Variants in ILRUN observed in about 807,000 individuals in gnomAD.
ILRUN encodes protein ILRUN.
Under a neutral mutation model 33.8 loss-of-function variants are expected in ILRUN, and 3 were observed. That is an observed-to-expected ratio of 0.09 (90% CI 0.04 to 0.23). ILRUN has a LOEUF of 0.23. ILRUN is among the 10% of genes least tolerant of loss of function. The pLI is 1.00. For missense variants in ILRUN, 210 were observed against 375.1 expected (o/e 0.56, Z 3.64); for synonymous variants, 124 against 138.9 (o/e 0.89, Z 0.75).
chr6:34,683,518 A>ATATATATACACATATATGTG (rs1562033425), intron 1 of ILRUN, among the ~76,000 whole-genome samples: 6 of 99,632 alleles, frequency 6.0e-5, no homozygotes, highest in African/African-American at 3.1e-4. Flanking sequence ...ATATATACAT[A>ATATATATACACATATATGTG]TATATATATA....
chr6:34,683,125 TATA>T (rs1291174668), intron 1 of ILRUN, among the ~76,000 whole-genome samples: 1 of 148,996 alleles, frequency 6.7e-6, no homozygotes, highest in Non-Finnish European at 1.5e-5. Flanking sequence ...CAAAAAAATA[TATA>T]TATACACACA....
At chr6:34,596,151 T>C (rs528297124) in intron 4 of ILRUN, among the ~76,000 whole-genome samples, 3 of 152,346 alleles carry the variant, frequency 2.0e-5, no homozygotes, top group East Asian at 3.9e-4. Flanking sequence ...AGCAGGGCAA[T>C]GGGCACTCTC....
At chr6:34,641,139 C>T (rs1456350521) in intron 3 of ILRUN, among the ~76,000 whole-genome samples, 1 of 150,820 alleles carries the variant, frequency 6.6e-6, no homozygotes. Context: ...CAGAAACCTC[C>T]AAAAAGCAAT....
At chr6:34,668,093 T>G (rs1340548362) in intron 1 of ILRUN, among the ~76,000 whole-genome samples, 1 of 152,158 alleles carries the variant, frequency 6.6e-6, no homozygotes, top group Non-Finnish European at 1.5e-5. Flanking sequence ...AATCTCACAA[T>G]CCTTGCAAGT....
At chr6:34,599,978 G>C (rs899400206) in intron 4 of ILRUN, among the ~76,000 whole-genome samples, 2 of 152,060 alleles carry the variant, frequency 1.3e-5, no homozygotes, top group Non-Finnish European at 2.9e-5. Context: ...ATATAGATCC[G>C]GACATGGACC....
intron 3 of ILRUN, among the ~76,000 whole-genome samples, chr6:34,609,592 G>C (rs1403250607): frequency 6.6e-6 from 1 of 152,132 alleles, no homozygotes; most frequent in Admixed American, 6.5e-5. Context: ...CAGCCAGCCT[G>C]GATGACAGAG....
At chr6:34,682,775 A>G (rs1180086604) in intron 1 of ILRUN, among the ~76,000 whole-genome samples, 1 of 152,166 alleles carries the variant, frequency 6.6e-6, no homozygotes, top group Non-Finnish European at 1.5e-5. Context: ...CACCCAGCAC[A>G]TTGTTAATTC....
In ILRUN at chr6:34,616,871, G is replaced by A. The variant is rs370891256; in HGVS notation, c.512-9967C>T. The A allele has an allele frequency of 4.8e-5, 32 of 670,972 alleles. No individual in the cohort carries two copies. The East Asian group carries it at 7.9e-4, about 17-fold the overall frequency. 41.6% of individuals were successfully genotyped at this position (670,972 alleles called of 1,614,324 possible). ...TCTTTGCCTTCATCAAATCTTTAAT[G>A]GAACTTTTGTGAAGCTCAACAAGGC... is the stretch of plus-strand genomic sequence containing the variant. On this transcript the variant is annotated intron_variant, in intron 3 of 4. Coordinates refer to ENST00000374023, the MANE Select transcript of ILRUN (RefSeq NM_024294.4).
intron 4 of ILRUN, among the ~76,000 whole-genome samples, chr6:34,593,926 G>A (rs932872199): frequency 9.2e-5 from 14 of 152,224 alleles, no homozygotes; most frequent in African/African-American, 2.9e-4. Flanking sequence ...ATGGCAGTAG[G>A]CCAAGCAGGA....
intron 2 of ILRUN, among the ~76,000 whole-genome samples, chr6:34,649,154 T>C (rs1172818573): frequency 6.6e-6 from 1 of 152,230 alleles, no homozygotes; most frequent in Non-Finnish European, 1.5e-5. Flanking sequence ...AACTCTGAAG[T>C]GTTCATTGGC....
intron 3 of ILRUN, among the ~76,000 whole-genome samples, chr6:34,644,481 T>C (rs1176618888): frequency 1.3e-5 from 2 of 152,200 alleles, no homozygotes; most frequent in Non-Finnish European, 2.9e-5. Flanking sequence ...AGAGCTAATA[T>C]AAAGGAGCTC....
At chr6:34,661,234 G>C (rs1762878756) in intron 1 of ILRUN, among the ~76,000 whole-genome samples, 1 of 152,170 alleles carries the variant, frequency 6.6e-6, no homozygotes, top group African/African-American at 2.4e-5. Context: ...TTATGTATGA[G>C]AATATCCTTG....
intron 3 of ILRUN, among the ~76,000 whole-genome samples, chr6:34,614,854 C>T (rs536470512): frequency 2.0e-5 from 3 of 152,168 alleles, no homozygotes; most frequent in African/African-American, 4.8e-5. Flanking sequence ...TTCTAAACCC[C>T]GTAACATCAG....
At chr6:34,607,055 T>C (rs1761648803) in intron 3 of ILRUN, 151 bp from the exon 4 acceptor site, 1 of 641,728 alleles carries the variant, frequency 1.6e-6, no homozygotes, top group Admixed American at 3.0e-5. Context: ...AGCTGCCTGG[T>C]ACATTTGCAT....
chr6:34,662,124 CAAAAAAAAAAAAAAAA>C (rs57423564), intron 1 of ILRUN, among the ~76,000 whole-genome samples: 877 of 40,012 alleles, frequency 0.022, 14 homozygotes, highest in African/African-American at 0.048. Flanking sequence ...GACTCCGTCT[CAAAAAAAAAAAAAAAA>C]AAAAAAAAAA....
At chr6:34,612,435 A>T (rs1046236396) in intron 3 of ILRUN, among the ~76,000 whole-genome samples, 1 of 151,944 alleles carries the variant, frequency 6.6e-6, no homozygotes, top group African/African-American at 2.4e-5. Context: ...TAATAAAAAT[A>T]AAAAGCACCG....
At chr6:34,693,455 G>A (rs1323314013) in intron 1 of ILRUN, among the ~76,000 whole-genome samples, 1 of 147,184 alleles carries the variant, frequency 6.8e-6, no homozygotes, top group East Asian at 2.1e-4. Context: ...CCTGGGCTCA[G>A]GTGATCTTCC....
intron 1 of ILRUN, among the ~76,000 whole-genome samples, chr6:34,655,348 A>T (rs554377327): frequency 3.3e-5 from 5 of 152,278 alleles, no homozygotes; most frequent in African/African-American, 1.2e-4. Flanking sequence ...TTTTTTCCTC[A>T]ACATACACAC....
intron 3 of ILRUN, among the ~76,000 whole-genome samples, chr6:34,635,650 T>C (rs1160115876): frequency 4.0e-5 from 6 of 148,478 alleles, no homozygotes; most frequent in Admixed American, 1.3e-4. Flanking sequence ...AGTCTTGCTC[T>C]GTTGCCCAGG....
Sources: allele counts gnomAD v4.1 joint callset (sites outside exome capture counted in the v4.1 genomes callset), GRCh38; gene constraint gnomAD v4.1.1; transcripts MANE v1.5; gene names NCBI Gene and HGNC (gene_info 2026-07-23, HGNC 2026-07-21).